ANKRD17: variants seen among roughly 807,000 people sequenced by gnomAD.
ANKRD17 encodes ankyrin repeat domain 17.
ANKRD17 carries 19 observed loss-of-function variants against 229.7 expected under a neutral mutation model. The ratio of observed to expected loss-of-function variants is 0.08; its 90% CI spans 0.06 to 0.12. The LOEUF is 0.12. Among genes scored for constraint, ANKRD17 ranks in the 10% least tolerant of loss-of-function variants. The pLI, the probability that ANKRD17 is intolerant of heterozygous loss-of-function variation, is 1.00. For missense variants in ANKRD17, 2,176 were observed against 3,176.8 expected, an observed-to-expected ratio of 0.68 and a Z score of 7.57; for synonymous variants, 1,112 against 1,146.1, an observed-to-expected ratio of 0.97 and a Z score of 0.60.
chr4:73,105,134 G>T (rs1356563532), intron 24 of ANKRD17, among the ~76,000 whole-genome samples: 2 of 152,058 alleles, frequency 1.3e-5, no homozygotes, highest in Admixed American at 1.3e-4. Flanking sequence ...ACCTTCTGGG[G>T]GGAGATACCA....
intron 15 of ANKRD17, among the ~76,000 whole-genome samples, chr4:73,136,219 T>C (rs1477513861): frequency 6.6e-6 from 1 of 152,094 alleles, no homozygotes; most frequent in Non-Finnish European, 1.5e-5. Flanking sequence ...AAAAATGCTA[T>C]AGTATTAAAG....
chr4:73,120,541 CAA>C (rs34780921), intron 20 of ANKRD17, among the ~76,000 whole-genome samples: 15 of 118,000 alleles, frequency 1.3e-4, no homozygotes, highest in Admixed American at 2.7e-4. Flanking sequence ...AACGGTATTG[CAA>C]AAAAAAAAAA....
chr4:73,184,528 CA>C (rs776930137), intron 1 of ANKRD17, among the ~76,000 whole-genome samples: 459 of 29,974 alleles, frequency 0.015, 3 homozygotes, highest in African/African-American at 0.045. Context: ...GACTTCCTCT[CA>C]AAAAAAAAAA....
In ANKRD17 at chr4:73,077,451, ATGT is replaced by A. The variant is rs776090196; in HGVS notation, c.7488_7490del (p.Gln2496del). On this transcript the variant is annotated inframe_deletion, in exon 32 of 34. Coordinates refer to ENST00000358602, the MANE Select transcript of ANKRD17 (RefSeq NM_032217.5). ...CTGTACTATCTCGCTCCATTGCTTG[ATGT>A]TGTGAAAATACTCCTGGGTCAGACA... 1.2e-6 allele frequency: 2 copies of A among 1,613,860 alleles called. No homozygotes were observed. The highest frequency in any genetic ancestry group is 1.7e-6 in the Non-Finnish European group (2 of 1,179,868).
intron 3 of ANKRD17, among the ~76,000 whole-genome samples, chr4:73,160,856 A>AC (rs1732434600): frequency 6.6e-6 from 1 of 152,196 alleles, no homozygotes; most frequent in Admixed American, 6.5e-5. Flanking sequence ...TGTCACCAAT[A>AC]CATTTTTAAA....
intron 30 of ANKRD17, among the ~76,000 whole-genome samples, chr4:73,084,128 T>A (rs1560493931): frequency 6.6e-6 from 1 of 152,154 alleles, no homozygotes; most frequent in Non-Finnish European, 1.5e-5. Context: ...ACACCTGTAA[T>A]CCCAGCAGTT....
chr4:73,202,294 C>G (rs1462924040), intron 1 of ANKRD17, among the ~76,000 whole-genome samples: 3 of 112,028 alleles, frequency 2.7e-5, no homozygotes, highest in African/African-American at 1.0e-4. Flanking sequence ...GCAGTATTTA[C>G]CAAACCCAAG....
chr4:73,100,494 G>A (rs538766159), intron 25 of ANKRD17, among the ~76,000 whole-genome samples: 8 of 150,230 alleles, frequency 5.3e-5, no homozygotes, highest in South Asian at 2.1e-4. Context: ...TCCTTTTCTC[G>A]GAGAAAAAAA....
At chr4:73,161,071 A>T in intron 3 of ANKRD17, 121 bp downstream of exon 3, 1 of 1,221,808 alleles carries the variant, frequency 8.2e-7, no homozygotes, top group Non-Finnish European at 1.1e-6. Context: ...ATAAGACATC[A>T]CATGTTAAGT....
chr4:73,215,872 C>G (rs1192593491), intron 1 of ANKRD17, among the ~76,000 whole-genome samples: 1 of 152,170 alleles, frequency 6.6e-6, no homozygotes, highest in Non-Finnish European at 1.5e-5. Context: ...TCTTTAGAGA[C>G]TTCGACCAAA....
chr4:73,171,178 G>GGAGAGAGAGAGAGAGAGAGA (rs56882212), intron 2 of ANKRD17, among the ~76,000 whole-genome samples: 42 of 104,496 alleles, frequency 4.0e-4, no homozygotes, highest in South Asian at 1.6e-3. Context: ...CTCAGAGGGG[G>GGAGAGAGAGAGAGAGAGAGA]GAGAGAGAGA....
intron 2 of ANKRD17, among the ~76,000 whole-genome samples, chr4:73,164,994 C>A (rs909132206): frequency 6.6e-6 from 1 of 151,612 alleles, no homozygotes; most frequent in South Asian, 2.1e-4. Flanking sequence ...TAATTGAATG[C>A]GTAATTATGT....
intron 23 of ANKRD17, 102 bp downstream of exon 23, chr4:73,115,719 A>C: frequency 1.2e-6 from 1 of 806,358 alleles, no homozygotes; most frequent in Non-Finnish European, 2.0e-6. Context: ...ATAAATGAAA[A>C]TGGCTACATA....
At chr4:73,199,258 T>TGTG in intron 1 of ANKRD17, among the ~76,000 whole-genome samples, 1 of 129,328 alleles carries the variant, frequency 7.7e-6, no homozygotes, top group Non-Finnish European at 1.7e-5. Flanking sequence ...TGTGTGTGTG[T>TGTG]TGGGAGGAGG....
chr4:73,215,790 T>C (rs1740946634), intron 1 of ANKRD17, among the ~76,000 whole-genome samples: 1 of 152,218 alleles, frequency 6.6e-6, no homozygotes, highest in African/African-American at 2.4e-5. Context: ...AAGAAGATTA[T>C]CCACAATTAT....
Position 73,139,685 on chromosome 4 carries a change from A to G in ANKRD17, c.2931T>C (p.Leu977=), listed in dbSNP as rs147566846. ...GPLPPGSIAN[L]TELQGVIVGQ... Reference sequence around the variant, plus strand: ...CAACTATCACTCCTTGCAGTTCTGTAAGATTTGCGATGGACCCTGGAGGCA... The same window carrying G: ...CAACTATCACTCCTTGCAGTTCTGTGAGATTTGCGATGGACCCTGGAGGCA... The change falls in exon 15 of 34, where the codon CTT becomes CTC. Residue 977 remains leucine (L), a synonymous_variant. Coordinates refer to ENST00000358602, the MANE Select transcript of ANKRD17 (RefSeq NM_032217.5). The G allele has an allele frequency of 4.7e-4, 754 of 1,614,094 alleles. 4 individuals carry two copies. The African/African-American group carries it at 8.5e-3, about 18-fold the overall frequency.
intron 1 of ANKRD17, among the ~76,000 whole-genome samples, chr4:73,212,927 G>A (rs1028441398): frequency 4.0e-5 from 6 of 150,832 alleles, no homozygotes; most frequent in Non-Finnish European, 7.4e-5. Flanking sequence ...CTCGGGAGGC[G>A]GAGACAGGAG....
At chr4:73,224,491 T>C (rs944344833) in intron 1 of ANKRD17, among the ~76,000 whole-genome samples, 4 of 152,186 alleles carry the variant, frequency 2.6e-5, no homozygotes, top group Non-Finnish European at 4.4e-5. Context: ...GAAGATTAAA[T>C]GATATAAAGT....
chr4:73,170,849 C>T (rs1733895403), intron 2 of ANKRD17, among the ~76,000 whole-genome samples: 1 of 152,068 alleles, frequency 6.6e-6, no homozygotes, highest in Admixed American at 6.6e-5. Flanking sequence ...AGCAAAGATA[C>T]AGTACAATAG....
Sources: allele counts gnomAD v4.1 joint callset (sites outside exome capture counted in the v4.1 genomes callset), GRCh38; gene constraint gnomAD v4.1.1; transcripts MANE v1.5; gene names NCBI Gene and HGNC (gene_info 2026-07-23, HGNC 2026-07-21).